Variants in ATRNL1 observed in about 807,000 individuals in gnomAD.
ATRNL1 encodes the protein attractin-like protein 1.
Under a neutral mutation model 182.7 loss-of-function variants are expected in ATRNL1, and 95 were observed. The observed-to-expected ratio is 0.52, with a 90% CI of 0.44 to 0.62. ATRNL1 has a LOEUF of 0.62. ATRNL1 is among the 20% of genes least tolerant of loss of function. The probability of loss-of-function intolerance (pLI) is 0.00; values close to 1 mark genes in which losing one functional copy is unlikely to be tolerated. For synonymous variants in ATRNL1, 576 were observed against 568.3 expected, an observed-to-expected ratio of 1.01 and a Z score of -0.19; for missense variants, 1,471 against 1,679.5, an observed-to-expected ratio of 0.88 and a Z score of 2.17.
chr10:115,521,762 A>G (rs1282261751), intron 25 of ATRNL1, among the ~76,000 whole-genome samples: 1 of 152,178 alleles, frequency 6.6e-6, no homozygotes, highest in Non-Finnish European at 1.5e-5. Flanking sequence ...TTTGTCATTT[A>G]AATTCTTCCA....
At chr10:115,268,718 A>G (rs1200479020) in intron 13 of ATRNL1, among the ~76,000 whole-genome samples, 1 of 152,214 alleles carries the variant, frequency 6.6e-6, no homozygotes, top group Non-Finnish European at 1.5e-5. Context: ...ATTGAAAAAG[A>G]CTATAGCTAT....
intron 19 of ATRNL1, among the ~76,000 whole-genome samples, chr10:115,362,512 G>A (rs1856796380): frequency 6.9e-6 from 1 of 144,208 alleles, no homozygotes; most frequent in South Asian, 2.1e-4. Flanking sequence ...CAAGTATGCA[G>A]TACATTGTTT....
At chr10:115,647,298 C>A (rs1329228975) in intron 26 of ATRNL1, among the ~76,000 whole-genome samples, 1 of 152,098 alleles carries the variant, frequency 6.6e-6, no homozygotes, top group Admixed American at 6.6e-5. Context: ...GATTTGTAAT[C>A]CTTTGGGTAT....
At chr10:115,166,184 C>G (rs1174521296) in intron 7 of ATRNL1, among the ~76,000 whole-genome samples, 2 of 151,934 alleles carry the variant, frequency 1.3e-5, no homozygotes, top group Middle Eastern at 3.2e-3. Flanking sequence ...GATTTGTGTC[C>G]CTTAGCACAC....
intron 19 of ATRNL1, among the ~76,000 whole-genome samples, chr10:115,386,932 G>A (rs1470118630): frequency 6.7e-6 from 1 of 149,242 alleles, no homozygotes; most frequent in Non-Finnish European, 1.5e-5. Context: ...TTTTGTCCTT[G>A]CTATAAATCA....
At position 115,842,197 on chromosome 10, in the gene ATRNL1, T is replaced by C. The variant is rs533858333; in HGVS notation, c.3904-5680T>C. ...TTCTTGTCAAAATACTTATTACTGC[T>C]GACAGGTATAACATATCCACATTAA... On this transcript the variant is annotated intron_variant, in intron 27 of 28. Coordinates refer to ENST00000355044, the MANE Select transcript of ATRNL1 (RefSeq NM_207303.4). Among the ~76,000 whole-genome samples, 4 of 152,230 alleles carry C rather than the reference T, an allele frequency of 2.6e-5. No homozygotes were observed. In the East Asian group the frequency reaches 7.7e-4, roughly 29 times the overall value.
At chr10:115,259,002 C>T (rs782693999) in intron 10 of ATRNL1, among the ~76,000 whole-genome samples, 13 of 152,118 alleles carry the variant, frequency 8.5e-5, no homozygotes, top group Admixed American at 1.3e-4. Context: ...TTCATCCCAA[C>T]GGGGCAGCCA....
intron 19 of ATRNL1, among the ~76,000 whole-genome samples, chr10:115,338,048 T>C (rs936407392): frequency 6.6e-6 from 1 of 151,426 alleles, no homozygotes; most frequent in Non-Finnish European, 1.5e-5. Flanking sequence ...GCCTGAATGC[T>C]TTTTCACCCG....
At position 115,394,659 on chromosome 10, in the gene ATRNL1, C is replaced by T; in HGVS notation, c.3176C>T (p.Ala1059Val). 6.2e-7 allele frequency: 1 copy of T among 1,610,670 alleles called. No individual in the cohort carries two copies. Among genetic ancestry groups the T allele is most frequent in the Non-Finnish European group, 8.5e-7 (1 of 1,177,528 alleles). ...ATATCATTTTGGTTTTGACTTACAG[C>T]TTGTACATGCAGTGGCCATGCAAAT... ...GDPTNGGQCT[A>V]CTCSGHANIC... is the part of the protein sequence containing the mutation. The change falls in exon 20 of 29, where the codon GCT (alanine) becomes GTT (valine). Residue 1059 changes from alanine (A) to valine (V), a missense_variant and splice_region_variant. By Grantham distance (64) the Ala-to-Val change is moderately conservative. Transcript: ENST00000355044.
In ATRNL1 at chr10:115,481,706, A is replaced by G. The variant is rs1592718584; in HGVS notation, c.3654+12377A>G. Among the ~76,000 whole-genome samples, 6 of 151,008 alleles carry G rather than the reference A, an allele frequency of 4.0e-5. No homozygotes were observed. The South Asian group carries it at 1.2e-3, about 31-fold the overall frequency. ...AAAATATTTACTGAGAAGAATTTAT[A>G]AACAAACATATTTATAATCTTATAT... On this transcript the variant is annotated intron_variant, in intron 24 of 28. Transcript: ENST00000355044.
intron 21 of ATRNL1, among the ~76,000 whole-genome samples, chr10:115,438,728 A>C (rs1161573461): frequency 6.6e-6 from 1 of 151,940 alleles, no homozygotes; most frequent in Non-Finnish European, 1.5e-5. Context: ...TGCATGTTGA[A>C]ACTTAATCCT....
chr10:115,139,109 A>G (rs766968830), intron 5 of ATRNL1, among the ~76,000 whole-genome samples: 1 of 152,158 alleles, frequency 6.6e-6, no homozygotes, highest in Non-Finnish European at 1.5e-5. Context: ...GTTCCTCCTC[A>G]TCTCCATCTG....
At chr10:115,922,333 A>G (rs1953090982) in intron 28 of ATRNL1, among the ~76,000 whole-genome samples, 1 of 152,176 alleles carries the variant, frequency 6.6e-6, no homozygotes, top group African/African-American at 2.4e-5. Flanking sequence ...ATGTCATTTA[A>G]ATTTTCTGAT....
chr10:115,480,843 C>T (rs190042874), intron 24 of ATRNL1, among the ~76,000 whole-genome samples: 2 of 151,122 alleles, frequency 1.3e-5, no homozygotes, highest in East Asian at 3.9e-4. Flanking sequence ...ATGCTCTTAT[C>T]TAATCCCTTA....
chr10:115,453,808 GA>G (rs1847391733), intron 21 of ATRNL1, among the ~76,000 whole-genome samples: 1 of 133,260 alleles, frequency 7.5e-6, no homozygotes, highest in Admixed American at 7.7e-5. Flanking sequence ...GGGGTTGGGG[GA>G]GGGGGGAGGG....
intron 26 of ATRNL1, among the ~76,000 whole-genome samples, chr10:115,637,919 G>A (rs895078580): frequency 3.3e-4 from 50 of 152,032 alleles, no homozygotes; most frequent in African/African-American, 1.2e-3. Flanking sequence ...CACCGCGCCC[G>A]GCTATTAACT....
intron 13 of ATRNL1, among the ~76,000 whole-genome samples, chr10:115,270,162 G>C (rs1851780417): frequency 6.8e-6 from 1 of 148,080 alleles, no homozygotes; most frequent in South Asian, 2.1e-4. Flanking sequence ...TGGGAATCAG[G>C]GACTTGTATT....
intron 27 of ATRNL1, among the ~76,000 whole-genome samples, chr10:115,820,758 A>G (rs1460419918): frequency 6.6e-6 from 1 of 152,014 alleles, no homozygotes; most frequent in Admixed American, 6.6e-5. Flanking sequence ...TCTATCAAAG[A>G]CTAACTTTGT....
At chr10:115,318,991 C>T (rs879990810) in intron 18 of ATRNL1, among the ~76,000 whole-genome samples, 2 of 151,920 alleles carry the variant, frequency 1.3e-5, no homozygotes, top group African/African-American at 2.4e-5. Flanking sequence ...GTTAGGGTGT[C>T]GATTTGAGAT....
Sources: allele counts gnomAD v4.1 joint callset (sites outside exome capture counted in the v4.1 genomes callset), GRCh38; gene constraint gnomAD v4.1.1; transcripts MANE v1.5; gene names NCBI Gene and HGNC (gene_info 2026-07-23, HGNC 2026-07-21).